Variants in STK24 observed in about 807,000 individuals in gnomAD.
STK24 encodes serine/threonine kinase 24, also known as serine/threonine-protein kinase 24.
In STK24, 21 loss-of-function variants were observed where a neutral mutation model predicts 55.6. The ratio of observed to expected loss-of-function variants is 0.38; its 90% CI spans 0.27 to 0.54. The LOEUF (loss-of-function observed/expected upper bound fraction) is 0.54. Among genes scored for constraint, STK24 ranks in the 20% least tolerant of loss-of-function variants. STK24 has a pLI of 0.79. For missense variants in STK24, 383 were observed against 538.4 expected, an observed-to-expected ratio of 0.71 and a Z score of 2.86; for synonymous variants, 200 against 215.2, an observed-to-expected ratio of 0.93 and a Z score of 0.62.
chr13:98,542,017 C>G (rs1896901323), intron 1 of STK24, among the ~76,000 whole-genome samples: 2 of 152,192 alleles, frequency 1.3e-5, no homozygotes, highest in Non-Finnish European at 2.9e-5. Context: ...ACAAGTGAGT[C>G]AAAGCTCGTT....
chr13:98,460,329 T>TC lies in STK24; in HGVS notation c.1122+42dup, dbSNP rs572180148. The TC allele has an allele frequency of 1.3e-5, 20 of 1,546,832 alleles. No individual in the cohort carries two copies. The African/African-American group carries it at 1.9e-4, about 15-fold the overall frequency. The stretch of plus-strand genomic sequence containing the variant: ...CACTGAAGTGTGTCCAGCTTCTCCT[T>TC]CCCCCTCCCCTCCCACTCCGAAAAG... On this transcript the variant is annotated intron_variant, in intron 9 of 10. Transcript: ENST00000539966.
At chr13:98,523,568 T>C (rs1896332640) in intron 1 of STK24, among the ~76,000 whole-genome samples, 1 of 152,156 alleles carries the variant, frequency 6.6e-6, no homozygotes, top group South Asian at 2.1e-4. Context: ...GACGTGACCA[T>C]GAGGCAGTGG....
chr13:98,573,882 G>A (rs539063902), intron 1 of STK24, among the ~76,000 whole-genome samples: 18 of 152,064 alleles, frequency 1.2e-4, no homozygotes, highest in South Asian at 2.1e-4. Context: ...CATCTCAAAC[G>A]GTACCGGTAA....
chr13:98,485,885 T>C (rs926345346), intron 2 of STK24, among the ~76,000 whole-genome samples: 2 of 152,182 alleles, frequency 1.3e-5, no homozygotes, highest in Non-Finnish European at 2.9e-5. Flanking sequence ...GGGGCTCTCT[T>C]CCTGTGCTCT....
intron 2 of STK24, among the ~76,000 whole-genome samples, chr13:98,513,037 A>G (rs905710853): frequency 6.6e-6 from 1 of 152,222 alleles, no homozygotes; most frequent in African/African-American, 2.4e-5. Context: ...ACCTCAGAAC[A>G]AAAGTAACCC....
chr13:98,475,041 A>G, intron 4 of STK24, 63 bp from the exon 5 acceptor site: 1 of 1,533,240 alleles, frequency 6.5e-7, no homozygotes, highest in Non-Finnish European at 8.7e-7. Flanking sequence ...CACTGCCACA[A>G]GCGCGTCTTC....
At chr13:98,486,495 T>TCTC (rs1894811712) in intron 2 of STK24, among the ~76,000 whole-genome samples, 2 of 152,028 alleles carry the variant, frequency 1.3e-5, no homozygotes, top group African/African-American at 4.8e-5. Context: ...CAGGCAAGGC[T>TCTC]CTCCTTCACA....
chr13:98,490,327 A>G (rs1477701757), intron 2 of STK24, among the ~76,000 whole-genome samples: 1 of 152,200 alleles, frequency 6.6e-6, no homozygotes, highest in African/African-American at 2.4e-5. Flanking sequence ...CTTCCTGACA[A>G]GTGAACTATT....
chr13:98,525,664 G>A (rs1409750773), intron 1 of STK24, among the ~76,000 whole-genome samples: 1 of 152,210 alleles, frequency 6.6e-6, no homozygotes, highest in East Asian at 1.9e-4. Flanking sequence ...GCACAAGGGA[G>A]TGACTTCCCC....
At chr13:98,480,594 T>C (rs887012802) in intron 3 of STK24, among the ~76,000 whole-genome samples, 5 of 152,240 alleles carry the variant, frequency 3.3e-5, no homozygotes, top group African/African-American at 1.2e-4. Context: ...CCCTTTTTAA[T>C]ACCATTTTTA....
intron 2 of STK24, among the ~76,000 whole-genome samples, chr13:98,511,603 A>G (rs1165425668): frequency 6.6e-6 from 1 of 152,240 alleles, no homozygotes; most frequent in Non-Finnish European, 1.5e-5. Context: ...CCTACTTAAC[A>G]GTAAAAAGGA....
chr13:98,496,586 G>C (rs987386301), intron 2 of STK24, among the ~76,000 whole-genome samples: 15 of 152,112 alleles, frequency 9.9e-5, no homozygotes. Flanking sequence ...TCAACGATTT[G>C]GCTGTTCTCA....
intron 3 of STK24, among the ~76,000 whole-genome samples, chr13:98,479,357 C>G (rs571249053): frequency 7.1e-4 from 108 of 152,178 alleles, no homozygotes; most frequent in Non-Finnish European, 1.3e-3. Context: ...AAATGTGTAC[C>G]TATTTTCTAT....
chr13:98,471,973 G>A (rs1894169853), intron 5 of STK24, among the ~76,000 whole-genome samples: 1 of 152,230 alleles, frequency 6.6e-6, no homozygotes, highest in South Asian at 2.1e-4. Flanking sequence ...AGAGAGAATG[G>A]AGGGAAAGCT....
At chr13:98,526,235 T>C (rs1896424349) in intron 1 of STK24, among the ~76,000 whole-genome samples, 1 of 152,256 alleles carries the variant, frequency 6.6e-6, no homozygotes, top group Admixed American at 6.5e-5. Flanking sequence ...GCTGTATGTA[T>C]AATTTTTTTC....
rs116174871 is a variant in STK24, at chr13:98,561,747, C to A, written c.42+14998G>T. ...ATCCTAGCACTTTGGGGGAGGCAGG[C>A]AGATCACCTGAGGTCAAGAGTTCAG... On this transcript the variant is annotated intron_variant, in intron 1 of 10. Transcript: ENST00000539966. Among the ~76,000 whole-genome samples, 1,325 of 152,008 alleles carry A rather than the reference C, an allele frequency of 8.7e-3. 25 individuals carry two copies. The highest frequency in any genetic ancestry group is 0.029 in the African/African-American group (1,220 of 41,480).
chr13:98,509,043 T>TAA (rs1272584293), intron 2 of STK24: 1 of 152,224 alleles, frequency 6.6e-6, no homozygotes, highest in Non-Finnish European at 1.5e-5. Flanking sequence ...CACCCTTTTT[T>TAA]AGTTTCACAA....
chr13:98,521,876 T>G (rs1170924064), intron 1 of STK24: 1 of 844,840 alleles, frequency 1.2e-6, no homozygotes. Flanking sequence ...AGGATAAGGC[T>G]TCGTCAGTAA....
intron 10 of STK24, chr13:98,456,200 A>G (rs1893446219): frequency 4.7e-6 from 1 of 210,916 alleles, no homozygotes. Flanking sequence ...GTCCCCACGT[A>G]GAGGGGCTCT....
Sources: allele counts gnomAD v4.1 joint callset (sites outside exome capture counted in the v4.1 genomes callset), GRCh38; gene constraint gnomAD v4.1.1; transcripts MANE v1.5; gene names NCBI Gene and HGNC (gene_info 2026-07-23, HGNC 2026-07-21).